Variants in DISC1 observed in about 807,000 individuals in gnomAD.
The protein encoded by DISC1 is DISC1 scaffold protein.
Under a neutral mutation model 84.5 loss-of-function variants are expected in DISC1, and 57 were observed. That is an observed-to-expected ratio of 0.67 (90% CI 0.55 to 0.84). The LOEUF is 0.84. Ranked by LOEUF, DISC1 falls within the 40% of genes least tolerant of loss-of-function variation. DISC1 has a pLI of 0.00. For missense variants in DISC1, 1,000 were observed against 1,057.8 expected (o/e 0.95, Z 0.76); for synonymous variants, 411 against 415.2 (o/e 0.99, Z 0.12).
chr1:231,958,157 C>T (rs948034404), intron 9 of DISC1, among the ~76,000 whole-genome samples: 1 of 152,212 alleles, frequency 6.6e-6, no homozygotes. Flanking sequence ...CTTCATTCCT[C>T]GGATGAGCAA....
chr1:231,707,640 T>C (rs2067252144), intron 3 of DISC1, among the ~76,000 whole-genome samples: 1 of 152,162 alleles, frequency 6.6e-6, no homozygotes, highest in African/African-American at 2.4e-5. Context: ...GAATTGTAAA[T>C]TCTCCTGCAA....
chr1:231,876,006 A>T (rs1235257391), intron 9 of DISC1, among the ~76,000 whole-genome samples: 1 of 152,160 alleles, frequency 6.6e-6, no homozygotes, highest in Non-Finnish European at 1.5e-5. Context: ...TGACTGATAA[A>T]TGTGGGCTGA....
At chr1:231,841,492 TG>T (rs1392764433) in intron 9 of DISC1, among the ~76,000 whole-genome samples, 1 of 152,228 alleles carries the variant, frequency 6.6e-6, no homozygotes, top group Admixed American at 6.5e-5. Context: ...TCCAGCTCAT[TG>T]GTCAGTGTGG....
intron 4 of DISC1, among the ~76,000 whole-genome samples, chr1:231,762,215 C>CTTCTCTTCTT (rs2075764938): frequency 1.2e-5 from 1 of 80,248 alleles, no homozygotes; most frequent in African/African-American, 4.6e-5. Context: ...TTTCTTTTCT[C>CTTCTCTTCTT]TTCTTTTCTT....
intron 2 of DISC1, among the ~76,000 whole-genome samples, chr1:231,696,262 CT>C (rs747954007): frequency 6.6e-6 from 1 of 152,210 alleles, no homozygotes; most frequent in Non-Finnish European, 1.5e-5. Context: ...GCAAGAGGGT[CT>C]ACCTTCCTGC....
At chr1:231,646,797 T>A (rs1397214928) in intron 1 of DISC1, among the ~76,000 whole-genome samples, 1 of 152,234 alleles carries the variant, frequency 6.6e-6, no homozygotes, top group Non-Finnish European at 1.5e-5. Context: ...GATTTGCATT[T>A]CTCTGATGAC....
At chr1:231,691,853 G>A (rs1017543714) in intron 1 of DISC1, among the ~76,000 whole-genome samples, 8 of 152,170 alleles carry the variant, frequency 5.3e-5, no homozygotes, top group African/African-American at 1.7e-4. Flanking sequence ...TGCCCCTGCC[G>A]GTCGGGCCCG....
chr1:231,951,506 T>C (rs1321157846), intron 9 of DISC1, among the ~76,000 whole-genome samples: 1 of 152,232 alleles, frequency 6.6e-6, no homozygotes, highest in Non-Finnish European at 1.5e-5. Context: ...TCAGCTAGCA[T>C]GGAAAATCCT....
intron 9 of DISC1, among the ~76,000 whole-genome samples, chr1:231,828,424 A>G (rs1260031091): frequency 6.6e-6 from 1 of 152,180 alleles, no homozygotes; most frequent in African/African-American, 2.4e-5. Flanking sequence ...TGCCAACTTC[A>G]TGTCTGCCCT....
chr1:231,910,293 C>CT (rs1558721409), intron 9 of DISC1, among the ~76,000 whole-genome samples: 1 of 152,174 alleles, frequency 6.6e-6, no homozygotes, highest in African/African-American at 2.4e-5. Context: ...AGCTTTCCTG[C>CT]TTTCTCTTGT....
At chr1:231,984,562 A>G (rs1439534710) in intron 10 of DISC1, among the ~76,000 whole-genome samples, 4 of 152,114 alleles carry the variant, frequency 2.6e-5, no homozygotes, top group Non-Finnish European at 5.9e-5. Context: ...GAAATTCTAT[A>G]TGGAGCTTTT....
intron 10 of DISC1, among the ~76,000 whole-genome samples, chr1:232,003,912 A>G (rs970712530): frequency 6.6e-6 from 1 of 152,036 alleles, no homozygotes. Flanking sequence ...AATTCTAAAA[A>G]TATATATAAT....
At chr1:231,690,938 A>T (rs950498712) in intron 1 of DISC1, among the ~76,000 whole-genome samples, 1 of 152,156 alleles carries the variant, frequency 6.6e-6, no homozygotes, top group African/African-American at 2.4e-5. Context: ...GGTGGTTCCC[A>T]TATCTCATTC....
At chr1:231,988,685 A>T (rs1211980863) in intron 10 of DISC1, among the ~76,000 whole-genome samples, 3 of 152,150 alleles carry the variant, frequency 2.0e-5, no homozygotes, top group Non-Finnish European at 4.4e-5. Flanking sequence ...GTGAGAAATA[A>T]ATTTCTTTTG....
chr1:232,024,275 A>G (rs1669241001), intron 11 of DISC1, among the ~76,000 whole-genome samples: 2 of 152,140 alleles, frequency 1.3e-5, no homozygotes, highest in African/African-American at 4.8e-5. Context: ...TGTAGCTTGT[A>G]GCTCATTCTT....
intron 2 of DISC1, among the ~76,000 whole-genome samples, chr1:231,696,464 T>C (rs1478878422): frequency 5.9e-5 from 9 of 152,244 alleles, no homozygotes; most frequent in Non-Finnish European, 1.3e-4. Context: ...ATTAAATTCC[T>C]ATCTTATCTC....
intron 11 of DISC1, among the ~76,000 whole-genome samples, chr1:232,023,345 A>G (rs568760784): frequency 5.9e-5 from 9 of 152,242 alleles, no homozygotes; most frequent in Admixed American, 4.6e-4. Context: ...CCTCTTTCCT[A>G]TACTTTTAAT....
chr1:231,771,179 A>G (rs1573675532), intron 6 of DISC1, 109 bp downstream of exon 6: 3 of 1,459,876 alleles, frequency 2.1e-6, no homozygotes, highest in South Asian at 3.0e-5. Flanking sequence ...AGCAGTCTGT[A>G]TTTTTCAGTG....
chr1:231,733,867 G>C (rs1000419379), intron 3 of DISC1, among the ~76,000 whole-genome samples: 4 of 150,880 alleles, frequency 2.7e-5, no homozygotes, highest in African/African-American at 9.8e-5. Flanking sequence ...AGGGGTGGTG[G>C]TGACAGTTGT....
Sources: allele counts gnomAD v4.1 joint callset (sites outside exome capture counted in the v4.1 genomes callset), GRCh38; gene constraint gnomAD v4.1.1; transcripts MANE v1.5; gene names NCBI Gene and HGNC (gene_info 2026-07-23, HGNC 2026-07-21).